Variants in KLRG1 observed in about 807,000 individuals in gnomAD.
KLRG1 encodes the protein killer cell lectin-like receptor subfamily G member 1.
In KLRG1, 16 loss-of-function variants were observed where a neutral mutation model predicts 21.8. The ratio of observed to expected loss-of-function variants is 0.73; its 90% confidence interval spans 0.50 to 1.11. The LOEUF (loss-of-function observed/expected upper bound fraction) is 1.11, where lower values mean the gene tolerates loss of function less well. KLRG1 is among the 50% of genes most tolerant of loss of function. The probability of loss-of-function intolerance (pLI) is 0.00; values close to 1 mark genes in which losing one functional copy is unlikely to be tolerated. For synonymous variants in KLRG1, 69 were observed against 75.9 expected (o/e 0.91, Z 0.47); for missense variants, 173 against 218.3 (o/e 0.79, Z 1.31).
At chr12:8,961,587 AT>A (rs35020239) in intron 1 of KLRG1, among the ~76,000 whole-genome samples, 56,191 of 145,242 alleles carry the variant, frequency 0.39, 11,236 homozygotes, top group Middle Eastern at 0.47. Flanking sequence ...TAATTTTTGT[AT>A]TTTTTTTTTT....
chr12:9,206,907 C>A, the KLRG1 span, among the ~76,000 whole-genome samples: 31 of 152,284 alleles, frequency 2.0e-4, 1 homozygote, highest in Admixed American at 1.1e-3. Flanking sequence ...TTTATCCATT[C>A]AGTCTGCTCT....
At chr12:9,154,602 T>C in the KLRG1 span, 7 of 1,612,036 alleles carry the variant, frequency 4.3e-6, no homozygotes, top group South Asian at 3.3e-5. Context: ...GAAGACTCTT[T>C]GGGAACCACT....
the KLRG1 span, chr12:9,090,315 A>G: frequency 6.2e-7 from 1 of 1,613,594 alleles, no homozygotes; most frequent in Non-Finnish European, 8.5e-7. Context: ...GCCATATACA[A>G]TCTTTGAGTA....
chr12:9,041,872 T>C, the KLRG1 span, among the ~76,000 whole-genome samples: 7 of 152,194 alleles, frequency 4.6e-5, no homozygotes, highest in Non-Finnish European at 7.3e-5. Context: ...TGCTAAGTTT[T>C]GGAGTGGTTT....
the KLRG1 span, among the ~76,000 whole-genome samples, chr12:9,031,058 A>C: frequency 6.6e-6 from 1 of 152,202 alleles, no homozygotes; most frequent in Non-Finnish European, 1.5e-5. Flanking sequence ...ATTAATTTTA[A>C]CATTTTAGAA....
chr12:9,030,467 C>T, the KLRG1 span, among the ~76,000 whole-genome samples: 1 of 152,060 alleles, frequency 6.6e-6, no homozygotes, highest in East Asian at 1.9e-4. Flanking sequence ...AGTGCAATGG[C>T]AAGGTCTTGG....
chr12:9,140,736 G>C, the KLRG1 span, among the ~76,000 whole-genome samples: 238 of 152,188 alleles, frequency 1.6e-3, no homozygotes, highest in Middle Eastern at 3.4e-3. Context: ...AGATAACTTG[G>C]GGGTACTGGC....
chr12:9,087,945 T>C, the KLRG1 span, among the ~76,000 whole-genome samples: 1 of 152,082 alleles, frequency 6.6e-6, no homozygotes, highest in Non-Finnish European at 1.5e-5. Context: ...TTAAAGCTAG[T>C]GAATAGTTGA....
intron 1 of KLRG1, chr12:8,971,074 T>G (rs2137253626): frequency 6.6e-6 from 1 of 152,298 alleles, no homozygotes; most frequent in East Asian, 1.9e-4. Flanking sequence ...CAATTTTTTG[T>G]CAGGTTTGGT....
At chr12:9,072,991 T>C in the KLRG1 span, 1 of 685,464 alleles carries the variant, frequency 1.5e-6, no homozygotes, top group Non-Finnish European at 2.4e-6. Flanking sequence ...TACTTAAATA[T>C]AGGAGCTGTA....
the KLRG1 span, among the ~76,000 whole-genome samples, chr12:9,143,827 G>C: frequency 6.6e-6 from 1 of 152,200 alleles, no homozygotes; most frequent in Non-Finnish European, 1.5e-5. Flanking sequence ...TCAGTGGAGA[G>C]GACATAGGAA....
the KLRG1 span, chr12:9,112,785 C>G: frequency 2.1e-6 from 1 of 475,174 alleles, no homozygotes; most frequent in African/African-American, 2.0e-5. Flanking sequence ...ATACAGCTCA[C>G]AGAAACAGTC....
chr12:8,961,957 G>A (rs1486088742), intron 1 of KLRG1, among the ~76,000 whole-genome samples: 10 of 152,108 alleles, frequency 6.6e-5, no homozygotes, highest in African/African-American at 1.7e-4. Context: ...ATGGTGGTAC[G>A]CACCTGTAGT....
chr12:9,188,440 G>A, the KLRG1 span, among the ~76,000 whole-genome samples: 1 of 152,164 alleles, frequency 6.6e-6, no homozygotes, highest in Non-Finnish European at 1.5e-5. Flanking sequence ...AAAGCTGGAA[G>A]CATTCTCCTT....
chr12:8,974,905 TC>T lies in KLRG1; in HGVS notation c.-155-17300del, dbSNP rs201608463. Among the ~76,000 whole-genome samples, 60 of 148,946 alleles carry T rather than the reference TC, an allele frequency of 4.0e-4. No individual in the cohort carries two copies. In the South Asian group the frequency reaches 9.0e-3, roughly 22 times the overall value. The stretch of plus-strand genomic sequence containing the variant: ...CATTACCTCTTCTTCTTCTTCTTCT[TC>T]TTTTTTTGAGACAGAGTCTTGCTCT... On this transcript the variant is annotated intron_variant, in intron 1 of 4. Transcript: ENST00000539240.
At chr12:9,141,240 G>A in the KLRG1 span, among the ~76,000 whole-genome samples, 4 of 152,108 alleles carry the variant, frequency 2.6e-5, no homozygotes, top group South Asian at 8.3e-4. Context: ...AATAACATAT[G>A]TATGCAAATA....
chr12:8,958,644 C>G (rs1219469354), intron 1 of KLRG1, among the ~76,000 whole-genome samples: 2 of 151,474 alleles, frequency 1.3e-5, no homozygotes, highest in Non-Finnish European at 2.9e-5. Context: ...ATCACTTGGG[C>G]TCAGGATTTC....
the KLRG1 span, among the ~76,000 whole-genome samples, chr12:9,063,230 C>T: frequency 1.3e-5 from 2 of 152,092 alleles, no homozygotes; most frequent in Non-Finnish European, 2.9e-5. Context: ...TCTTTTTATT[C>T]TTACAGGGTA....
chr12:9,031,510 G>C, the KLRG1 span, among the ~76,000 whole-genome samples: 6 of 152,154 alleles, frequency 3.9e-5, no homozygotes, highest in Non-Finnish European at 5.9e-5. Flanking sequence ...AACTCTTTCA[G>C]GGTCCTGAGT....
Sources: allele counts gnomAD v4.1 joint callset (sites outside exome capture counted in the v4.1 genomes callset), GRCh38; gene constraint gnomAD v4.1.1; transcripts MANE v1.5; gene names NCBI Gene and HGNC (gene_info 2026-07-23, HGNC 2026-07-21).